ADGRG3: variants seen among roughly 807,000 people sequenced by gnomAD.
ADGRG3 encodes the protein adhesion G protein-coupled receptor G3.
A neutral mutation model predicts 54.3 loss-of-function variants in ADGRG3; 39 were observed. The ratio of observed to expected loss-of-function variants is 0.72; its 90% CI spans 0.56 to 0.94. ADGRG3 has a LOEUF of 0.94. Ranked by LOEUF, ADGRG3 falls within the 40% of genes least tolerant of loss-of-function variation. The pLI is 0.00. For synonymous variants in ADGRG3, 312 were observed against 290.0 expected, an observed-to-expected ratio of 1.08 and a Z score of -0.77; for missense variants, 654 against 694.6, an observed-to-expected ratio of 0.94 and a Z score of 0.66.
At chr16:57,680,674 G>A in intron 8 of ADGRG3, 57 bp downstream of exon 8, 3 of 1,204,302 alleles carry the variant, frequency 2.5e-6, no homozygotes, top group African/African-American at 1.5e-5. Context: ...GGAGGCAGCA[G>A]GGCAGGGTGG....
At chr16:57,681,742 AAAAAG>A (rs2048374987) in intron 8 of ADGRG3, among the ~76,000 whole-genome samples, 2 of 149,334 alleles carry the variant, frequency 1.3e-5, no homozygotes, top group African/African-American at 5.0e-5. Flanking sequence ...AAAAAAAAAA[AAAAAG>A]AGAGAGAGAG....
At chr16:57,671,615 G>A (rs554784379) in intron 1 of ADGRG3, among the ~76,000 whole-genome samples, 16 of 152,084 alleles carry the variant, frequency 1.1e-4, no homozygotes, top group Middle Eastern at 3.2e-3. Context: ...GATTATAGGC[G>A]TGAGTCACCG....
chr16:57,678,270 G>C lies in ADGRG3; in HGVS notation c.446G>C (p.Arg149Pro). 1 of 1,614,194 alleles carries C rather than the reference G, an allele frequency of 6.2e-7. No individual in the cohort carries two copies. The highest frequency in any genetic ancestry group is 8.5e-7 in the Non-Finnish European group (1 of 1,180,012). The change falls in exon 4 of 12, where the codon CGC becomes CCC. Residue 149 changes from arginine to proline, a missense_variant. Arg to Pro is a moderately radical substitution (Grantham distance 103, BLOSUM62 -2). Coordinates refer to ENST00000333493, the MANE Select transcript of ADGRG3 (RefSeq NM_170776.5). ...RSLPGNRSVV[R>P]LAVTILDIGP... Reference sequence around the variant, plus strand: ...CTGCCAGGCAACAGGTCTGTGGTCCGCTTGGCCGTCACCATTCTGGACATT... The same window carrying C: ...CTGCCAGGCAACAGGTCTGTGGTCCCCTTGGCCGTCACCATTCTGGACATT...
rs141946549 is a variant in ADGRG3 at position 57,675,364 on chromosome 16, C to T, written c.207-836C>T. The stretch of plus-strand genomic sequence containing the variant: ...TAGGGCCAGGTGCAGTGGGTTCATG[C>T]CTGTAATCCCAGCACTTTGGGAAGC... On this transcript the variant is annotated intron_variant, in intron 2 of 11. Transcript: ENST00000333493. Among the ~76,000 whole-genome samples, 632 of 152,190 alleles carry T rather than the reference C, an allele frequency of 4.2e-3. 3 individuals are homozygous for T. The highest frequency in any genetic ancestry group is 8.8e-3 in the Admixed American group (134 of 15,278).
chr16:57,677,801 T>C (rs1199607472), intron 3 of ADGRG3, among the ~76,000 whole-genome samples: 2 of 152,172 alleles, frequency 1.3e-5, no homozygotes, highest in Admixed American at 1.3e-4. Context: ...AGCCAGACAC[T>C]GTCACAATCA....
At chr16:57,671,758 G>GA (rs576440754) in intron 1 of ADGRG3, among the ~76,000 whole-genome samples, 96 of 152,274 alleles carry the variant, frequency 6.3e-4, no homozygotes, top group Non-Finnish European at 1.1e-3. Context: ...GGCAGATTGT[G>GA]AAAAACAATG....
intron 8 of ADGRG3, among the ~76,000 whole-genome samples, chr16:57,683,220 T>C (rs1276121429): frequency 2.0e-5 from 3 of 152,202 alleles, no homozygotes; most frequent in African/African-American, 7.2e-5. Context: ...GTGTTTTTTT[T>C]CTTCTCTTCC....
intron 1 of ADGRG3, among the ~76,000 whole-genome samples, chr16:57,671,374 T>C (rs577389236): frequency 1.2e-4 from 18 of 147,546 alleles, no homozygotes; most frequent in African/African-American, 4.5e-4. Flanking sequence ...AGAGTCTCTC[T>C]TTGTCTTCCA....
Position 57,688,880 on chromosome 16 carries a change from A to C in ADGRG3, c.*419A>C, listed in dbSNP as rs2048521978. 1 of 168,050 alleles carries C rather than the reference A, an allele frequency of 6.0e-6. No individual in the cohort carries two copies. Among genetic ancestry groups the C allele is most frequent in the Non-Finnish European group, 1.3e-5 (1 of 76,662 alleles). The allele number at this position is 168,050 out of a possible 1,614,324, so 10.4% of individuals were successfully genotyped here. A position where few individuals can be genotyped will look rare whatever the true frequency, so the allele number is the denominator to read the frequency against. On this transcript the variant is annotated 3_prime_UTR_variant, in exon 12 of 12. Transcript: ENST00000333493. ...CACAACTCCCCTTCTGGCTGCCTGT[A>C]ACCTTGAGGGGCATTCAGGAGGCCA...
chr16:57,676,474 C>G lies in ADGRG3; in HGVS notation c.345+136C>G, dbSNP rs1254859654. ...CCCCACGTCCCAATTGGCAGAGCTG[C>G]GTCTGTAAAATGAGCTCTAAGATTC... On this transcript the variant is annotated intron_variant, in intron 3 of 11. Transcript: ENST00000333493. 3.9e-6 allele frequency: 3 copies of G among 767,848 alleles called. No homozygotes were observed. In the Admixed American group the frequency reaches 8.4e-5, roughly 22 times the overall value. The allele number at this position is 767,848 out of a possible 1,614,324, so 47.6% of individuals were successfully genotyped here. A position where few individuals can be genotyped will look rare whatever the true frequency, so the allele number is the denominator to read the frequency against.
intron 4 of ADGRG3, 75 bp downstream of exon 4, chr16:57,678,391 G>T: frequency 6.8e-7 from 1 of 1,466,714 alleles, no homozygotes; most frequent in Non-Finnish European, 9.5e-7. Flanking sequence ...GCTGTCACTG[G>T]AGCCTGCCGA....
At chr16:57,666,227 G>C (rs530526659), upstream of ADGRG3, among the ~76,000 whole-genome samples, 23 of 152,236 alleles carry the variant, frequency 1.5e-4, no homozygotes, top group African/African-American at 5.5e-4. Context: ...TTCCAGAATG[G>C]GGGGGAAATG....
chr16:57,670,093 G>A (rs1422118941), intron 1 of ADGRG3, among the ~76,000 whole-genome samples: 2 of 152,178 alleles, frequency 1.3e-5, no homozygotes, highest in South Asian at 4.1e-4. Flanking sequence ...GGAGCCATGC[G>A]GGGTGGGGGC....
intron 1 of ADGRG3, among the ~76,000 whole-genome samples, chr16:57,671,465 T>C (rs901753859): frequency 1.3e-5 from 2 of 151,066 alleles, no homozygotes; most frequent in Middle Eastern, 3.4e-3. Context: ...CTCAGCCTTC[T>C]GAGTAGCTGA....
chr16:57,684,336 G>T, intron 9 of ADGRG3, 54 bp from the exon 10 acceptor site: 2 of 1,570,004 alleles, frequency 1.3e-6, no homozygotes. Flanking sequence ...GGGACGTGGA[G>T]GAGGAAGTGC....
rs143202519 is a variant in ADGRG3 at position 57,688,249 on chromosome 16, G to C, written c.1541-103G>C. 39 of 762,330 alleles carry C rather than the reference G, an allele frequency of 5.1e-5. No individual in the cohort carries two copies. In the African/African-American group the frequency reaches 6.5e-4, roughly 13 times the overall value. The allele number at this position is 762,330 out of a possible 1,614,324, so 47.2% of individuals were successfully genotyped here. On this transcript the variant is annotated intron_variant, in intron 11 of 11. Transcript: ENST00000333493. ...TTTTGCCTTTCCCAGCAGTTCTTGAGTGGTTACGGTGGGTCTCCTCCCTCT... is the reference window on the plus strand; with the variant it reads ...TTTTGCCTTTCCCAGCAGTTCTTGACTGGTTACGGTGGGTCTCCTCCCTCT...
upstream of ADGRG3, among the ~76,000 whole-genome samples, chr16:57,666,985 G>A (rs1259876632): frequency 1.3e-5 from 2 of 152,234 alleles, no homozygotes; most frequent in African/African-American, 2.4e-5. Context: ...CCAGGAGAAG[G>A]CTGGCCAGGT....
intron 1 of ADGRG3, among the ~76,000 whole-genome samples, chr16:57,672,437 C>T (rs1230426595): frequency 1.3e-5 from 2 of 152,174 alleles, no homozygotes; most frequent in Non-Finnish European, 2.9e-5. Flanking sequence ...TGCAAAATTT[C>T]CAGAAGGCTG....
Position 57,684,184 on chromosome 16 carries a change from CT to C in ADGRG3, c.1136del (p.Phe379SerfsTer2). The stretch of plus-strand genomic sequence containing the variant: ...TCTTCAACACCTACTTCGGGCACTA[CT>C]TCCTGAAGCTGAGCCTGGTGGGCTG... ...RVFNTYFGHY[F>X]LKLSLVGWGL... is the part of the protein sequence containing the mutation. On this transcript the variant is annotated frameshift_variant, in exon 9 of 12. Coordinates refer to ENST00000333493, the MANE Select transcript of ADGRG3 (RefSeq NM_170776.5). LOFTEE classifies it high-confidence loss of function. 1 of 1,613,624 alleles carries C rather than the reference CT, an allele frequency of 6.2e-7. No homozygotes were observed. The highest frequency in any genetic ancestry group is 8.5e-7 in the Non-Finnish European group (1 of 1,179,698).
Sources: gnomAD v4.1 joint callset for allele counts (sites outside exome capture counted in the v4.1 genomes callset) on GRCh38, gnomAD v4.1.1 for gene constraint, MANE v1.5 for transcripts, NCBI Gene and HGNC (gene_info 2026-07-23, HGNC 2026-07-21) for gene names.